VWDE: variants seen among roughly 807,000 people sequenced by gnomAD.
VWDE encodes von Willebrand factor D and EGF domains.
Under a neutral mutation model 178.4 loss-of-function variants are expected in VWDE, and 207 were observed. The ratio of observed to expected loss-of-function variants is 1.16; its 90% CI spans 1.04 to 1.30. The LOEUF is 1.30. VWDE is among the 50% of genes most tolerant of loss of function. VWDE has a pLI of 0.00. For synonymous variants in VWDE, 738 were observed against 651.4 expected (o/e 1.13, Z -2.02); for missense variants, 2,287 against 1,901.3 (o/e 1.20, Z -3.77).
chr7:12,395,757 T>C (rs1784592767), intron 1 of VWDE, among the ~76,000 whole-genome samples: 1 of 151,994 alleles, frequency 6.6e-6, no homozygotes, highest in Non-Finnish European at 1.5e-5. Flanking sequence ...TTATTAGCAA[T>C]AATCAAGCCA....
rs985176482 is a variant in VWDE, at chr7:12,333,969, T to A, written c.4655-401A>T. Among the ~76,000 whole-genome samples, 9 of 152,252 alleles carry A rather than the reference T, an allele frequency of 5.9e-5. No individual in the cohort carries two copies. In the Middle Eastern group the frequency reaches 0.014, roughly 230 times the overall value. On this transcript the variant is annotated intron_variant, in intron 27 of 28. Coordinates refer to ENST00000275358, the MANE Select transcript of VWDE (RefSeq NM_001135924.3). The stretch of plus-strand genomic sequence containing the variant: ...AGAGACAACCCAGTACTGGCTAGTG[T>A]ATGGAAAATTTGACAATTTTTATAC...
chr7:12,337,322 A>C (rs1206619201), intron 24 of VWDE, 50 bp from the exon 25 acceptor site: 22 of 1,385,936 alleles, frequency 1.6e-5, no homozygotes, highest in Non-Finnish European at 1.9e-5. Flanking sequence ...TCCCATTACT[A>C]CATATGATAC....
intron 3 of VWDE, 139 bp downstream of exon 3, chr7:12,388,988 T>C (rs113732443): frequency 0.012 from 9,030 of 778,682 alleles, 308 homozygotes; most frequent in African/African-American, 0.097. Flanking sequence ...TAAACAGAAA[T>C]TTAGCTTCAA....
intron 10 of VWDE, among the ~76,000 whole-genome samples, chr7:12,371,762 C>G (rs1783214744): frequency 6.6e-6 from 1 of 152,002 alleles, no homozygotes; most frequent in Non-Finnish European, 1.5e-5. Flanking sequence ...AATAAACACA[C>G]TCACCTACTC....
chr7:12,399,983 G>T (rs1784825861), intron 1 of VWDE, among the ~76,000 whole-genome samples: 1 of 151,890 alleles, frequency 6.6e-6, no homozygotes, highest in African/African-American at 2.4e-5. Context: ...CTGAGTCAAA[G>T]AATAAATGAA....
At position 12,359,698 on chromosome 7, in the gene VWDE, G is replaced by T; in HGVS notation, c.3160-6C>A. On this transcript the variant is annotated splice_polypyrimidine_tract_variant and splice_region_variant and intron_variant, in intron 15 of 28. Transcript: ENST00000275358. ...TCAATAATGCAAACATTTTCCTAAT[G>T]GAAAATTTTTAAAAAAGAAAACATC... The T allele has an allele frequency of 6.6e-7, 1 of 1,514,642 alleles. No homozygotes were observed. The highest frequency in any genetic ancestry group is 1.3e-5 in the South Asian group (1 of 78,548). 93.8% of individuals were successfully genotyped at this position (1,514,642 alleles called of 1,614,324 possible). A position where few individuals can be genotyped will look rare whatever the true frequency, so the allele number is the denominator to read the frequency against.
rs1253382804 is a variant in VWDE, at chr7:12,344,435, C to T, written c.3921G>A (p.Glu1307=). ...ICKYPCGKSR[E]CVAPNICKCK... Reference sequence around the variant, plus strand: ...ATTTGCAGATGTTTGGGGCAACACACTCCCTACTTTTTCCACATGGATATT... The same window carrying T: ...ATTTGCAGATGTTTGGGGCAACACATTCCCTACTTTTTCCACATGGATATT... Residue 1307 remains glutamate (E), a synonymous_variant, in exon 20 of 29, where the codon GAG becomes GAA. Coordinates refer to ENST00000275358, the MANE Select transcript of VWDE (RefSeq NM_001135924.3). 1 of 1,550,524 alleles carries T rather than the reference C, an allele frequency of 6.4e-7. No individual in the cohort carries two copies. The highest frequency in any genetic ancestry group is 1.4e-5 in the African/African-American group (1 of 72,962).
At chr7:12,378,448 A>G (rs1207609680) in intron 6 of VWDE, among the ~76,000 whole-genome samples, 1 of 152,154 alleles carries the variant, frequency 6.6e-6, no homozygotes, top group African/African-American at 2.4e-5. Context: ...AACTGGTGCA[A>G]CCCAGGACTG....
At chr7:12,382,143 G>A (rs976077729) in intron 4 of VWDE, among the ~76,000 whole-genome samples, 1 of 151,234 alleles carries the variant, frequency 6.6e-6, no homozygotes, top group Non-Finnish European at 1.5e-5. Context: ...ACTTTCATTT[G>A]GTGTTGCTTC....
intron 16 of VWDE, among the ~76,000 whole-genome samples, chr7:12,358,982 T>G (rs1180259408): frequency 6.6e-6 from 1 of 152,206 alleles, no homozygotes; most frequent in African/African-American, 2.4e-5. Context: ...ATGACTTCCT[T>G]AAATAAAATT....
chr7:12,335,546 C>T (rs1780973468), intron 27 of VWDE, among the ~76,000 whole-genome samples: 1 of 152,094 alleles, frequency 6.6e-6, no homozygotes, highest in South Asian at 2.1e-4. Flanking sequence ...AGCTCTGCCT[C>T]CAGGGTTCAC....
Position 12,331,055 on chromosome 7 carries a change from A to C in VWDE, c.*128T>G. On this transcript the variant is annotated 3_prime_UTR_variant, in exon 29 of 29. Transcript: ENST00000275358. Reference sequence around the variant, plus strand: ...AACAGAGATCATTATGTATTTTATTAGTTTCTTCAGTCTTTAAGATATTTT... The same window carrying C: ...AACAGAGATCATTATGTATTTTATTCGTTTCTTCAGTCTTTAAGATATTTT... 1.5e-6 allele frequency: 1 copy of C among 650,828 alleles called. No homozygotes were observed. Among genetic ancestry groups the C allele is most frequent in the Admixed American group, 3.3e-5 (1 of 29,936 alleles). 40.3% of individuals were successfully genotyped at this position (650,828 alleles called of 1,614,324 possible).
At chr7:12,340,275 T>C in intron 24 of VWDE, 47 bp downstream of exon 24, 2 of 1,410,464 alleles carry the variant, frequency 1.4e-6, no homozygotes, top group African/African-American at 2.9e-5. Context: ...TCTGTTGATA[T>C]CTAACTTTCC....
At chr7:12,331,340 C>T (rs1780710575) in intron 28 of VWDE, 143 bp from the exon 29 acceptor site, 1 of 572,244 alleles carries the variant, frequency 1.7e-6, no homozygotes, top group Non-Finnish European at 2.9e-6. Context: ...ATACTGTTTT[C>T]ATAAAATTGA....
intron 19 of VWDE, among the ~76,000 whole-genome samples, chr7:12,347,501 GC>G (rs952701142): frequency 2.0e-5 from 3 of 151,864 alleles, no homozygotes; most frequent in African/African-American, 7.3e-5. Flanking sequence ...GTAGTATAAA[GC>G]CACACTAATC....
intron 16 of VWDE, among the ~76,000 whole-genome samples, chr7:12,358,093 C>A (rs1170070575): frequency 6.6e-6 from 1 of 152,018 alleles, no homozygotes; most frequent in Non-Finnish European, 1.5e-5. Context: ...GAGGCTATTT[C>A]AGGATGGGCA....
chr7:12,403,644 C>T lies in VWDE; in HGVS notation c.58+15G>A. The T allele has an allele frequency of 6.5e-7, 1 of 1,539,086 alleles. No individual in the cohort carries two copies. Among genetic ancestry groups the T allele is most frequent in the Non-Finnish European group, 8.7e-7 (1 of 1,144,622 alleles). On this transcript the variant is annotated intron_variant, in intron 1 of 28. Coordinates refer to ENST00000275358, the MANE Select transcript of VWDE (RefSeq NM_001135924.3). ...GCCACTGCGCGCCCACCCCCGCGCG[C>T]CCTACCTCGCTTACCTTCCCCCCAG...
chr7:12,355,962 TG>T, intron 18 of VWDE, 148 bp downstream of exon 18: 1 of 728,686 alleles, frequency 1.4e-6, no homozygotes, highest in Non-Finnish European at 2.2e-6. Context: ...ACAAGGGATA[TG>T]GATAGTAATT....
chr7:12,352,508 G>T (rs1781999201), intron 18 of VWDE, among the ~76,000 whole-genome samples: 2 of 152,154 alleles, frequency 1.3e-5, no homozygotes, highest in African/African-American at 4.8e-5. Context: ...AAGGGGATTT[G>T]GTTCAACTTG....
Sources: allele counts gnomAD v4.1 joint callset (sites outside exome capture counted in the v4.1 genomes callset), GRCh38; gene constraint gnomAD v4.1.1; transcripts MANE v1.5; gene names NCBI Gene and HGNC (gene_info 2026-07-23, HGNC 2026-07-21).